POGZ: variants seen among roughly 807,000 people sequenced by gnomAD.
POGZ encodes the protein pogo transposable element derived with ZNF domain, also known as pogo transposable element with ZNF domain.
POGZ carries 17 observed loss-of-function variants against 134.6 expected under a neutral mutation model. That is an observed-to-expected ratio of 0.13 (90% confidence interval 0.09 to 0.19). The LOEUF (loss-of-function observed/expected upper bound fraction) is 0.19. POGZ is among the 10% of genes least tolerant of loss of function. POGZ has a pLI of 1.00. For missense variants in POGZ, 1,306 were observed against 1,769.7 expected, an observed-to-expected ratio of 0.74 and a Z score of 4.70; for synonymous variants, 693 against 657.1, an observed-to-expected ratio of 1.05 and a Z score of -0.84.
intron 10 of POGZ, among the ~76,000 whole-genome samples, chr1:151,415,060 T>C (rs1557884294): frequency 6.6e-6 from 1 of 152,170 alleles, no homozygotes; most frequent in African/African-American, 2.4e-5. Flanking sequence ...CTGCTGCTTG[T>C]TTTCCAAATT....
At chr1:151,418,478 G>A (rs1435424327) in intron 10 of POGZ, among the ~76,000 whole-genome samples, 1 of 152,070 alleles carries the variant, frequency 6.6e-6, no homozygotes, top group Non-Finnish European at 1.5e-5. Flanking sequence ...TGATCAACAG[G>A]TACAAATATA....
rs755107238 is a variant in POGZ, at chr1:151,405,683, G to T, written c.3352C>A (p.Pro1118Thr). The part of the protein sequence containing the change: ...VQRQIHNQDL[P>T]LSMIVAIDEI... ...TCAATAGCCACAATCATAGACAAGG[G>T]TAAGTCCTGGTTGTGAATCTGCCGT... Residue 1118 changes from proline (P) to threonine (T), a missense_variant, in exon 19 of 19, where the codon CCC becomes ACC. By Grantham distance (38) the Pro-to-Thr change is conservative. Around this residue, in one of 10 missense-constraint regions of POGZ, gnomAD observed 161 missense variants for 185.4 expected, o/e 0.87. Coordinates refer to ENST00000271715, the MANE Select transcript of POGZ (RefSeq NM_015100.4). This position sits in a 1 kb window ranked among gnomAD's most constrained non-coding sequence, Gnocchi z 4.9. 2.5e-6 allele frequency: 4 copies of T among 1,614,012 alleles called. No individual in the cohort carries two copies. In the African/African-American group the frequency reaches 5.3e-5, roughly 22 times the overall value.
At chr1:151,422,755 C>A (rs1657138309) in intron 10 of POGZ, among the ~76,000 whole-genome samples, 1 of 152,178 alleles carries the variant, frequency 6.6e-6, no homozygotes, top group Admixed American at 6.5e-5. Context: ...CCACACCCAG[C>A]TAATTTTTGC....
At chr1:151,425,720 T>G (rs1657658517) in intron 7 of POGZ, among the ~76,000 whole-genome samples, 2 of 152,232 alleles carry the variant, frequency 1.3e-5, no homozygotes, top group Non-Finnish European at 2.9e-5. Context: ...AATATACCAT[T>G]GTATGTGAAT....
In POGZ at chr1:151,403,425, G is replaced by A; in HGVS notation, c.*1377C>T. 1.0e-6 allele frequency: 1 copy of A among 985,342 alleles called. No homozygotes were observed. Among genetic ancestry groups the A allele is most frequent in the Non-Finnish European group, 1.2e-6 (1 of 829,486 alleles). 61.0% of individuals were successfully genotyped at this position (985,342 alleles called of 1,614,324 possible). A position where few individuals can be genotyped will look rare whatever the true frequency, so the allele number is the denominator to read the frequency against. ...TTAAAGACGAACCATTTACAAGCTT[G>A]TGCAGTTTGCCTCCTTGGCTCACAG... On this transcript the variant is annotated 3_prime_UTR_variant, in exon 19 of 19. Transcript: ENST00000271715.
At chr1:151,444,144 T>C (rs1354191281) in intron 1 of POGZ, among the ~76,000 whole-genome samples, 6 of 152,232 alleles carry the variant, frequency 3.9e-5, no homozygotes, top group African/African-American at 1.4e-4. Flanking sequence ...AACTGGATTC[T>C]AACTGGTCTT....
intron 1 of POGZ, among the ~76,000 whole-genome samples, chr1:151,452,265 G>A (rs748259297): frequency 3.3e-5 from 5 of 151,748 alleles, no homozygotes; most frequent in Non-Finnish European, 7.4e-5. Flanking sequence ...TCATGTAGGA[G>A]AATGTATTTA....
chr1:151,454,234 CT>C (rs2102430556), intron 1 of POGZ, among the ~76,000 whole-genome samples: 1 of 152,306 alleles, frequency 6.6e-6, no homozygotes, highest in East Asian at 1.9e-4. Flanking sequence ...AAGAATACCA[CT>C]TTCTTGTTCC....
rs1655549258 is a variant in POGZ, at chr1:151,415,879, A to G, written c.1679-3483T>C. 2.0e-5 allele frequency among the ~76,000 whole-genome samples: 3 copies of G among 152,078 alleles called. No homozygotes were observed. In the South Asian group the frequency reaches 6.2e-4, roughly 32 times the overall value. ...GGGGCTCACAGGACACCTCACCACC[A>G]AGCAGGTTAAGATTTCTGTATTAGA... On this transcript the variant is annotated intron_variant, in intron 10 of 18. Coordinates refer to ENST00000271715, the MANE Select transcript of POGZ (RefSeq NM_015100.4).
intron 1 of POGZ, among the ~76,000 whole-genome samples, chr1:151,457,000 C>T (rs946537648): frequency 2.0e-5 from 3 of 152,194 alleles, no homozygotes; most frequent in African/African-American, 7.2e-5. Context: ...TGCTTTTGAA[C>T]CATCAGTGTA....
chr1:151,417,054 TAA>T (rs1404181810), intron 10 of POGZ, among the ~76,000 whole-genome samples: 1 of 152,132 alleles, frequency 6.6e-6, no homozygotes, highest in African/African-American at 2.4e-5. Context: ...GATTTCTGAT[TAA>T]TTCTGTTAGA....
At chr1:151,421,742 C>T (rs1422334889) in intron 10 of POGZ, among the ~76,000 whole-genome samples, 1 of 152,076 alleles carries the variant, frequency 6.6e-6, no homozygotes, top group Non-Finnish European at 1.5e-5. Flanking sequence ...AATGATATAA[C>T]AGATATTCTT....
rs1036293688 is a variant in POGZ, at chr1:151,403,622, TAAAG to T, written c.*1176_*1179del. ...TTTCCTTGAAGCTGGCAGTGAAAAA[TAAAG>T]ATTCATGTCATTTTCTTTGTGCACA... On this transcript the variant is annotated 3_prime_UTR_variant, in exon 19 of 19. Coordinates refer to ENST00000271715, the MANE Select transcript of POGZ (RefSeq NM_015100.4). 6.1e-6 allele frequency: 6 copies of T among 985,494 alleles called. No individual in the cohort carries two copies. Among genetic ancestry groups the T allele is most frequent in the Admixed American group, 6.1e-5 (1 of 16,270 alleles). The allele number at this position is 985,494 out of a possible 1,614,324, so 61.0% of individuals were successfully genotyped here.
At chr1:151,443,981 G>A (rs1033041082) in intron 1 of POGZ, among the ~76,000 whole-genome samples, 2 of 152,144 alleles carry the variant, frequency 1.3e-5, no homozygotes, top group African/African-American at 4.8e-5. Context: ...TGTTTATTGA[G>A]TATTTAGTTA....
chr1:151,404,157 C>A lies in POGZ; in HGVS notation c.*645G>T. 1 of 985,400 alleles carries A rather than the reference C, an allele frequency of 1.0e-6. No homozygotes were observed. Among genetic ancestry groups the A allele is most frequent in the Non-Finnish European group, 1.2e-6 (1 of 829,804 alleles). The allele number at this position is 985,400 out of a possible 1,614,324, so 61.0% of individuals were successfully genotyped here. ...TTTATATCTAGGGTTGCTGTAGAAA[C>A]CAACATCTCTGGAGAGGGAAGGAAA... On this transcript the variant is annotated 3_prime_UTR_variant, in exon 19 of 19. Transcript: ENST00000271715.
At chr1:151,430,521 A>G (rs1658515451) in intron 4 of POGZ, 145 bp downstream of exon 4, 1 of 599,448 alleles carries the variant, frequency 1.7e-6, no homozygotes, top group Middle Eastern at 4.4e-4. Context: ...TTGGCATCAA[A>G]TTACAGAACA....
chr1:151,440,926 A>G lies in POGZ; in HGVS notation c.283+2T>C. ...TTATTATTTCCCAATAATCCCACTTACCATTGTTGTTGGCAATTAGTGTGA... is the reference window on the plus strand; with the variant it reads ...TTATTATTTCCCAATAATCCCACTTGCCATTGTTGTTGGCAATTAGTGTGA... On this transcript the variant is annotated splice_donor_variant, in intron 3 of 18. Transcript: ENST00000271715. LOFTEE classifies it high-confidence loss of function. The G allele has an allele frequency of 6.2e-7, 1 of 1,611,926 alleles. No homozygotes were observed. The highest frequency in any genetic ancestry group is 8.5e-7 in the Non-Finnish European group (1 of 1,178,376).
chr1:151,419,612 T>A (rs1343061786), intron 10 of POGZ, among the ~76,000 whole-genome samples: 2 of 116,480 alleles, frequency 1.7e-5, no homozygotes, highest in Non-Finnish European at 3.2e-5. Flanking sequence ...GAGATTGCAG[T>A]AAGCCAAGAT....
At chr1:151,412,252 C>A in intron 11 of POGZ, 44 bp downstream of exon 11, 1 of 1,042,328 alleles carries the variant, frequency 9.6e-7, no homozygotes, top group Non-Finnish European at 1.5e-6. Context: ...TGTATTCTTC[C>A]TGAGGGCAAA....
Sources: allele counts gnomAD v4.1 joint callset (sites outside exome capture counted in the v4.1 genomes callset), GRCh38; gene constraint gnomAD v4.1.1; regional missense constraint gnomAD v4.1.1; non-coding constraint Gnocchi (gnomAD v3.1); transcripts MANE v1.5; gene names NCBI Gene and HGNC (gene_info 2026-07-23, HGNC 2026-07-21).